Variants in RECK observed in about 807,000 individuals in gnomAD.
RECK encodes the protein reversion-inducing cysteine-rich protein with Kazal motifs.
RECK carries 69 observed loss-of-function variants against 115.1 expected under a neutral mutation model. That is an observed-to-expected ratio of 0.60 (90% CI 0.49 to 0.73). The LOEUF (loss-of-function observed/expected upper bound fraction) is 0.73, where lower values mean the gene tolerates loss of function less well. Ranked by LOEUF, RECK falls within the 30% of genes least tolerant of loss-of-function variation. RECK has a pLI of 0.00. For missense variants in RECK, 1,047 were observed against 1,203.7 expected (o/e 0.87, Z 1.93); for synonymous variants, 414 against 419.7 (o/e 0.99, Z 0.17).
At chr9:36,060,929 G>A (rs564803452) in intron 4 of RECK, among the ~76,000 whole-genome samples, 1 of 152,152 alleles carries the variant, frequency 6.6e-6, no homozygotes, top group South Asian at 2.1e-4. Flanking sequence ...TACTAGACTG[G>A]AAACCCCCAA....
At chr9:36,083,863 C>A (rs1313322971) in intron 8 of RECK, among the ~76,000 whole-genome samples, 2 of 152,086 alleles carry the variant, frequency 1.3e-5, no homozygotes, top group East Asian at 3.9e-4. Flanking sequence ...TTATCATAAG[C>A]TTCTGATCTA....
chr9:36,096,454 T>A (rs982764889), intron 10 of RECK, among the ~76,000 whole-genome samples: 1 of 151,924 alleles, frequency 6.6e-6, no homozygotes, highest in Non-Finnish European at 1.5e-5. Flanking sequence ...GGAGAATCGC[T>A]TGAACCCGGG....
intron 2 of RECK, among the ~76,000 whole-genome samples, chr9:36,057,662 A>T (rs1370269127): frequency 2.0e-5 from 3 of 152,180 alleles, no homozygotes; most frequent in African/African-American, 7.2e-5. Flanking sequence ...CTACAAAAAA[A>T]TACAGAAATT....
At chr9:36,067,146 T>C (rs1206527847) in intron 6 of RECK, among the ~76,000 whole-genome samples, 1 of 152,186 alleles carries the variant, frequency 6.6e-6, no homozygotes, top group Non-Finnish European at 1.5e-5. Context: ...ACAGTCACTG[T>C]CATGATTGTT....
intron 2 of RECK, 119 bp downstream of exon 2, chr9:36,052,442 G>A: frequency 1.6e-6 from 1 of 639,782 alleles, no homozygotes; most frequent in Non-Finnish European, 2.8e-6. Flanking sequence ...GGACCAGCCA[G>A]GACAACATAG....
intron 14 of RECK, 111 bp downstream of exon 14, chr9:36,108,275 T>C (rs1171604950): frequency 6.8e-6 from 5 of 738,018 alleles, no homozygotes; most frequent in Non-Finnish European, 1.1e-5. Flanking sequence ...TATCAGATAC[T>C]CCAGGGCAGT....
In RECK at chr9:36,104,292, GTATATATATATATATA is replaced by G. The variant is rs11273343; in HGVS notation, c.1436-831_1436-816del. Reference sequence around the variant, plus strand: ...ATACATAGCATGTGTGTGTGTGTGTGTATATATATATATATATATATATATATATATATATTTTTTT... The same window carrying G: ...ATACATAGCATGTGTGTGTGTGTGTGTATATATATATATATATATTTTTTT... On this transcript the variant is annotated intron_variant, in intron 12 of 20. Transcript: ENST00000377966. 1.0e-3 allele frequency among the ~76,000 whole-genome samples: 46 copies of G among 43,888 alleles called. 1 individual carries two copies. The highest frequency in any genetic ancestry group is 0.023 in the Middle Eastern group (1 of 44). The allele number at this position is 43,888 out of a possible 152,430, so 28.8% of individuals were successfully genotyped here. A position where few individuals can be genotyped will look rare whatever the true frequency, so the allele number is the denominator to read the frequency against.
rs531098629 is a variant in RECK at position 36,087,749 on chromosome 9, A to G, written c.693A>G (p.Arg231=). 8 of 1,614,012 alleles carry G rather than the reference A, an allele frequency of 5.0e-6. No homozygotes were observed. The African/African-American group carries it at 8.0e-5, about 16-fold the overall frequency. ...EDHACQNACK[R]ILMSKKTEME... is the part of the protein sequence containing the mutation. ...ATGCTTGCCAAAATGCCTGCAAGAG[A>G]ATCCTGATGTCCAAGAAAACGGAAA... The change falls in exon 9 of 21, where the codon AGA becomes AGG. Residue 231 remains arginine, a synonymous_variant. Coordinates refer to ENST00000377966, the MANE Select transcript of RECK (RefSeq NM_021111.3).
At chr9:36,050,303 A>G (rs1821237182) in intron 1 of RECK, among the ~76,000 whole-genome samples, 1 of 152,064 alleles carries the variant, frequency 6.6e-6, no homozygotes, top group Non-Finnish European at 1.5e-5. Flanking sequence ...AGTTAATGGT[A>G]TTTCTAGATA....
chr9:36,087,804 T>C lies in RECK; in HGVS notation c.748T>C (p.Cys250Arg). Residue 250 changes from cysteine to arginine, a missense_variant, in exon 9 of 21, where the codon TGT (cysteine) becomes CGT (arginine). Transcript: ENST00000377966. ...GATTGTTGATGGTCTCATCGAGGGT[T>C]GTAAGACCCAGCCCTTGCCTCAAGA... ...MEIVDGLIEGCKTQPLPQDPL... is the reference protein window; with the variant it reads ...MEIVDGLIEGRKTQPLPQDPL... 1 of 1,614,072 alleles carries C rather than the reference T, an allele frequency of 6.2e-7. No individual in the cohort carries two copies. Among genetic ancestry groups the C allele is most frequent in the Non-Finnish European group, 8.5e-7 (1 of 1,179,964 alleles).
At chr9:36,055,805 C>T (rs1436227319) in intron 2 of RECK, among the ~76,000 whole-genome samples, 1 of 151,848 alleles carries the variant, frequency 6.6e-6, no homozygotes, top group Non-Finnish European at 1.5e-5. Flanking sequence ...AGGTTTTTTG[C>T]CTTTTTTGTT....
intron 1 of RECK, among the ~76,000 whole-genome samples, chr9:36,047,297 A>G (rs1821101264): frequency 6.6e-6 from 1 of 152,124 alleles, no homozygotes; most frequent in South Asian, 2.1e-4. Context: ...TTCGTGTGGC[A>G]TTGCAGAGGA....
chr9:36,043,986 T>G (rs1487243066), intron 1 of RECK, among the ~76,000 whole-genome samples: 1 of 152,156 alleles, frequency 6.6e-6, no homozygotes, highest in East Asian at 1.9e-4. Flanking sequence ...CTAGAATTGT[T>G]TTTTCTAGTT....
intron 13 of RECK, among the ~76,000 whole-genome samples, chr9:36,105,859 C>T (rs7873953): frequency 2.0e-5 from 3 of 152,116 alleles, no homozygotes; most frequent in African/African-American, 7.2e-5. Flanking sequence ...GTTGTTGCAA[C>T]ATTTTGCTTC....
Position 36,049,317 on chromosome 9 carries a change from G to T in RECK, c.101-2948G>T, listed in dbSNP as rs143298009. ...ATCCCCCTTCAATCCCTGGAAGTTG[G>T]GAGATCAGGTTGATACCATGTGGCT... is the stretch of plus-strand genomic sequence containing the variant. On this transcript the variant is annotated intron_variant, in intron 1 of 20. Coordinates refer to ENST00000377966, the MANE Select transcript of RECK (RefSeq NM_021111.3). Among the ~76,000 whole-genome samples the T allele has an allele frequency of 4.2e-3, 642 of 152,196 alleles. 5 individuals carry two copies. The highest frequency in any genetic ancestry group is 0.015 in the African/African-American group (606 of 41,482).
intron 6 of RECK, among the ~76,000 whole-genome samples, chr9:36,079,184 C>G (rs930982979): frequency 5.3e-5 from 8 of 152,154 alleles, no homozygotes; most frequent in Non-Finnish European, 1.2e-4. Context: ...TGTGAGCCAC[C>G]TCGCCCAGCT....
intron 2 of RECK, among the ~76,000 whole-genome samples, chr9:36,058,554 A>G (rs1186883702): frequency 6.8e-6 from 1 of 146,052 alleles, no homozygotes; most frequent in Non-Finnish European, 1.5e-5. Flanking sequence ...CTAATGCTAG[A>G]TGACGAGTTA....
In RECK at chr9:36,120,681, G is replaced by C; in HGVS notation, c.2483G>C (p.Cys828Ser). ...TATACAGGTGCTTGTTGCCCATTATGTGCTGGGATGTTAAGAGTTTTATTT... is the reference window on the plus strand; with the variant it reads ...TATACAGGTGCTTGTTGCCCATTATCTGCTGGGATGTTAAGAGTTTTATTT... The part of the protein sequence containing the change: ...IIPPGACCPL[C>S]AGMLRVLFDK... The change falls in exon 19 of 21, where the codon TGT becomes TCT. Residue 828 changes from cysteine to serine, a missense_variant. Physicochemically the swap from Cys to Ser is moderately radical, Grantham distance 112. Transcript: ENST00000377966. 1.2e-6 allele frequency: 2 copies of C among 1,613,356 alleles called. No homozygotes were observed. Among genetic ancestry groups the C allele is most frequent in the Non-Finnish European group, 1.7e-6 (2 of 1,179,314 alleles).
At position 36,104,756 on chromosome 9, in the gene RECK, G is replaced by A. The variant is rs553355655; in HGVS notation, c.1436-387G>A. On this transcript the variant is annotated intron_variant, in intron 12 of 20. Coordinates refer to ENST00000377966, the MANE Select transcript of RECK (RefSeq NM_021111.3). The stretch of plus-strand genomic sequence containing the variant: ...ACTCCTGGCCTCCGGTGATCCGCCC[G>A]CCTCAGCCTCCCAAAGTGCTGGGAT... Among the ~76,000 whole-genome samples, 72 of 152,088 alleles carry A rather than the reference G, an allele frequency of 4.7e-4. 2 individuals carry two copies. The South Asian group carries it at 0.014, about 29-fold the overall frequency.
Sources: allele counts gnomAD v4.1 joint callset (sites outside exome capture counted in the v4.1 genomes callset), GRCh38; gene constraint gnomAD v4.1.1; transcripts MANE v1.5; gene names NCBI Gene and HGNC (gene_info 2026-07-23, HGNC 2026-07-21).